The following CASZ1 variants were observed in gnomAD, a reference collection of about 807,000 sequenced individuals.
The protein encoded by CASZ1 is zinc finger protein castor homolog 1.
Under a neutral mutation model 135.2 loss-of-function variants are expected in CASZ1, and 28 were observed. That is an observed-to-expected ratio of 0.21 (90% CI 0.15 to 0.28). CASZ1 has a LOEUF of 0.28. CASZ1 is among the 10% of genes least tolerant of loss of function. The pLI is 1.00. For synonymous variants in CASZ1, 1,068 were observed against 1,073.4 expected, an observed-to-expected ratio of 0.99 and a Z score of 0.10; for missense variants, 2,161 against 2,453.3, an observed-to-expected ratio of 0.88 and a Z score of 2.52.
rs897288565 is a variant in CASZ1 at position 10,666,675 on chromosome 1, C to T, written c.17-1104G>A. On this transcript the variant is annotated intron_variant, in intron 4 of 20. Transcript: ENST00000377022. This position sits in a 1 kb window ranked among gnomAD's most constrained non-coding sequence, Gnocchi z 5.2. ...GAGAGCCAGCGACCTCCCTCGCGGC[C>T]GCATAGCCCAAACTCTGTCCCTGAT... Among the ~76,000 whole-genome samples, 5 of 152,168 alleles carry T rather than the reference C, an allele frequency of 3.3e-5. No individual in the cohort carries two copies. The highest frequency in any genetic ancestry group is 1.9e-4 in the East Asian group (1 of 5,170).
chr1:10,732,479 C>T (rs1039009519), intron 2 of CASZ1, among the ~76,000 whole-genome samples: 3 of 152,070 alleles, frequency 2.0e-5, no homozygotes, highest in Non-Finnish European at 2.9e-5. Context: ...CGTGGTGGAA[C>T]GCAGTGGAGT....
intron 1 of CASZ1, among the ~76,000 whole-genome samples, chr1:10,768,352 G>A (rs1026082044): frequency 3.9e-5 from 6 of 152,098 alleles, no homozygotes; most frequent in African/African-American, 1.4e-4. Flanking sequence ...CAAGTAGCTG[G>A]GATTACAGGC....
chr1:10,761,674 C>A (rs534536752), intron 1 of CASZ1, among the ~76,000 whole-genome samples: 6 of 152,330 alleles, frequency 3.9e-5, no homozygotes, highest in African/African-American at 1.4e-4. Context: ...TTTTAAAGGG[C>A]TTTTCCTGTT....
chr1:10,730,832 G>A (rs942684210), intron 2 of CASZ1, among the ~76,000 whole-genome samples: 3 of 152,210 alleles, frequency 2.0e-5, no homozygotes, highest in African/African-American at 4.8e-5. Flanking sequence ...TATAGGCTGG[G>A]TATGGTGGCT....
chr1:10,738,741 G>T (rs1311866700), intron 2 of CASZ1, among the ~76,000 whole-genome samples: 1 of 152,192 alleles, frequency 6.6e-6, no homozygotes, highest in Non-Finnish European at 1.5e-5. Flanking sequence ...AGGGAGGCAG[G>T]CCTGTGCCTT....
Position 10,725,732 on chromosome 1 carries a change from C to A in CASZ1, c.-76-20188G>T, listed in dbSNP as rs556364598. On this transcript the variant is annotated intron_variant, in intron 2 of 20. Coordinates refer to ENST00000377022, the MANE Select transcript of CASZ1 (RefSeq NM_001079843.3). This position sits in a 1 kb window ranked among gnomAD's most constrained non-coding sequence, Gnocchi z 4.4. ...CTGGAAAGCCCTTTTTTTTTTTTTA[C>A]TAGGAGACCCCAGAGAGGATGATCC... Among the ~76,000 whole-genome samples the A allele has an allele frequency of 4.4e-3, 652 of 147,070 alleles. 6 individuals carry two copies. The highest frequency in any genetic ancestry group is 7.3e-3 in the Non-Finnish European group (490 of 66,990).
rs1254661000 is a variant in CASZ1, at chr1:10,653,724, T to C, written c.2333A>G (p.Gln778Arg). Reference sequence around the variant, plus strand: ...CAGGGGGATTGAGCCAGGCAGGCCCTGGGGCAGCAGCCCCGAGATCTTGCT... The same window carrying C: ...CAGGGGGATTGAGCCAGGCAGGCCCCGGGGCAGCAGCCCCGAGATCTTGCT... Reference protein sequence around the residue: ...PNSKISGLLPQGLPGSIPLAL... With the variant: ...PNSKISGLLPRGLPGSIPLAL... The change falls in exon 11 of 21, where the codon CAG becomes CGG. Residue 778 changes from glutamine (Q) to arginine (R), a missense_variant. Coordinates refer to ENST00000377022, the MANE Select transcript of CASZ1 (RefSeq NM_001079843.3). The C allele has an allele frequency of 3.1e-6, 5 of 1,604,478 alleles. No individual in the cohort carries two copies. In the Middle Eastern group the frequency reaches 6.6e-4, roughly 213 times the overall value.
At chr1:10,683,414 G>C (rs575938258) in intron 4 of CASZ1, among the ~76,000 whole-genome samples, 104 of 152,256 alleles carry the variant, frequency 6.8e-4, no homozygotes, top group African/African-American at 2.4e-3. Context: ...AGTTTATCAC[G>C]TGGAGTTCCC....
rs184076444 is a variant in CASZ1 at position 10,679,073 on chromosome 1, T to C, written c.17-13502A>G. Among the ~76,000 whole-genome samples the C allele has an allele frequency of 6.6e-6, 1 of 151,924 alleles. No individual in the cohort carries two copies. Among genetic ancestry groups the C allele is most frequent in the East Asian group, 2.0e-4 (1 of 5,112 alleles). Reference sequence around the variant, plus strand: ...ATGCGTGTCCCCTCACTCTCCTCCATCACTGCTCCCTGGGCCATGAAGAGC... The same window carrying C: ...ATGCGTGTCCCCTCACTCTCCTCCACCACTGCTCCCTGGGCCATGAAGAGC... On this transcript the variant is annotated intron_variant, in intron 4 of 20. Transcript: ENST00000377022. The surrounding 1 kb of genome is among the most constrained non-coding windows in gnomAD (Gnocchi z 4.7).
intron 2 of CASZ1, among the ~76,000 whole-genome samples, chr1:10,758,531 C>A (rs1048159298): frequency 1.3e-5 from 2 of 152,044 alleles, no homozygotes; most frequent in African/African-American, 4.8e-5. Flanking sequence ...GGGGTTTTGC[C>A]ATGTTGGCCA....
rs1201249840 is a variant in CASZ1, at chr1:10,755,410, G to A, written c.-77+5291C>T. Among the ~76,000 whole-genome samples the A allele has an allele frequency of 6.6e-6, 1 of 152,092 alleles. No individual in the cohort carries two copies. The highest frequency in any genetic ancestry group is 1.5e-5 in the Non-Finnish European group (1 of 68,000). On this transcript the variant is annotated intron_variant, in intron 2 of 20. Transcript: ENST00000377022. The surrounding 1 kb of genome is among the most constrained non-coding windows in gnomAD (Gnocchi z 4.3). ...TCCAATGCCAGCCTCTCTCACTGTG[G>A]GCACTCAGGGACAGAGGCAGGGCAG... is the stretch of plus-strand genomic sequence containing the variant.
In CASZ1 at chr1:10,755,276, T is replaced by A. The variant is rs1640229442; in HGVS notation, c.-77+5425A>T. Among the ~76,000 whole-genome samples, 2 of 152,082 alleles carry A rather than the reference T, an allele frequency of 1.3e-5. No homozygotes were observed. The highest frequency in any genetic ancestry group is 4.2e-4 in the South Asian group (2 of 4,808). On this transcript the variant is annotated intron_variant, in intron 2 of 20. Coordinates refer to ENST00000377022, the MANE Select transcript of CASZ1 (RefSeq NM_001079843.3). The surrounding 1 kb of genome is among the most constrained non-coding windows in gnomAD (Gnocchi z 4.3). ...GGGTAGATTCCAGAACAAAAGCACA[T>A]GGGGGAACCTGGCAGGAGACCGGAG...
intron 14 of CASZ1, 29 bp from the exon 15 acceptor site, chr1:10,649,221 A>T: frequency 6.2e-7 from 1 of 1,610,718 alleles, no homozygotes; most frequent in South Asian, 1.1e-5. Flanking sequence ...GTTAGAGGAG[A>T]GCCTGGGGCT....
At position 10,694,661 on chromosome 1, in the gene CASZ1, T is replaced by C. The variant is rs1365475248; in HGVS notation, c.-23-749A>G. On this transcript the variant is annotated intron_variant, in intron 3 of 20. Transcript: ENST00000377022. This position sits in a 1 kb window ranked among gnomAD's most constrained non-coding sequence, Gnocchi z 6.6. The stretch of plus-strand genomic sequence containing the variant: ...CGCCGCCCGCCGCCCGGTGCCGGAG[T>C]GAATGGGCTCGCGCTCGCTCGCGCC... 7.3e-6 allele frequency among the ~76,000 whole-genome samples: 1 copy of C among 137,644 alleles called. No individual in the cohort carries two copies. The highest frequency in any genetic ancestry group is 1.6e-5 in the Non-Finnish European group (1 of 62,708). The allele number at this position is 137,644 out of a possible 152,430, so 90.3% of individuals were successfully genotyped here. A position where few individuals can be genotyped will look rare whatever the true frequency, so the allele number is the denominator to read the frequency against.
chr1:10,680,674 G>A (rs1557500603), intron 4 of CASZ1, among the ~76,000 whole-genome samples: 1 of 152,294 alleles, frequency 6.6e-6, no homozygotes, highest in Non-Finnish European at 1.5e-5. Context: ...AGAAGGTGAA[G>A]GGGCAGGCGG....
intron 9 of CASZ1, among the ~76,000 whole-genome samples, chr1:10,654,822 T>C (rs576690671): frequency 6.6e-6 from 1 of 152,356 alleles, no homozygotes; most frequent in African/African-American, 2.4e-5. Flanking sequence ...CCTGGCTCCG[T>C]CTGTGCTGAG....
intron 1 of CASZ1, among the ~76,000 whole-genome samples, chr1:10,784,408 C>T (rs910061437): frequency 6.6e-6 from 1 of 152,212 alleles, no homozygotes; most frequent in African/African-American, 2.4e-5. Context: ...CCGTACGTGG[C>T]TGTGGGGCAG....
In CASZ1 at chr1:10,747,824, T is replaced by TG. The variant is rs200466468; in HGVS notation, c.-77+12876_-77+12877insC. Among the ~76,000 whole-genome samples, 168 of 151,700 alleles carry TG rather than the reference T, an allele frequency of 1.1e-3. 3 individuals carry two copies. The East Asian group carries it at 0.03, about 27-fold the overall frequency. ...CTGTGCTCACCTGCCTGACTTTTTT[T>TG]TTTTTTTTTTGAGATGGAGTCTCGC... is the stretch of plus-strand genomic sequence containing the variant. On this transcript the variant is annotated intron_variant, in intron 2 of 20. Transcript: ENST00000377022. This position sits in a 1 kb window ranked among gnomAD's most constrained non-coding sequence, Gnocchi z 4.3.
intron 4 of CASZ1, among the ~76,000 whole-genome samples, chr1:10,687,865 G>A (rs1019671794): frequency 2.6e-5 from 4 of 152,180 alleles, no homozygotes; most frequent in Non-Finnish European, 4.4e-5. Flanking sequence ...CCCCTTTCAC[G>A]TCATCCCAAA....
Sources: gnomAD v4.1 joint callset for allele counts (sites outside exome capture counted in the v4.1 genomes callset) on GRCh38, gnomAD v4.1.1 for gene constraint, Gnocchi (gnomAD v3.1) non-coding constraint, MANE v1.5 for transcripts, NCBI Gene and HGNC (gene_info 2026-07-23, HGNC 2026-07-21) for gene names.